Variants in PCDHGA7 observed in about 807,000 individuals in gnomAD.
The protein encoded by PCDHGA7 is protocadherin gamma-A7.
PCDHGA7 carries 44 observed loss-of-function variants against 58.3 expected under a neutral mutation model. That is an observed-to-expected ratio of 0.75 (90% CI 0.59 to 0.97). PCDHGA7 has a LOEUF of 0.97. PCDHGA7 is among the 50% of genes least tolerant of loss of function. The pLI, the probability that PCDHGA7 is intolerant of heterozygous loss-of-function variation, is 0.00. For synonymous variants in PCDHGA7, 516 were observed against 504.2 expected, an observed-to-expected ratio of 1.02 and a Z score of -0.31; for missense variants, 1,266 against 1,188.7, an observed-to-expected ratio of 1.06 and a Z score of -0.96.
chr5:141,391,109 T>C (rs1414344509), intron 1 of PCDHGA7: 1 of 152,098 alleles, frequency 6.6e-6, no homozygotes, highest in Non-Finnish European at 1.5e-5. Context: ...TAAACTAATA[T>C]AGCTAGAGGT....
chr5:141,404,610 T>C lies in PCDHGA7; in HGVS notation c.2424+19287T>C, dbSNP rs1207198913. ...AATGTGTCATTGAGACTGTTTGTTTTGGACCAGAATGACAATGCCCCAGAA... is the reference window on the plus strand; with the variant it reads ...AATGTGTCATTGAGACTGTTTGTTTCGGACCAGAATGACAATGCCCCAGAA... On this transcript the variant is annotated intron_variant, in intron 1 of 3. Transcript: ENST00000518325. 1 of 1,614,130 alleles carries C rather than the reference T, an allele frequency of 6.2e-7. No homozygotes were observed. Among genetic ancestry groups the C allele is most frequent in the African/African-American group, 1.3e-5 (1 of 75,054 alleles).
intron 1 of PCDHGA7, among the ~76,000 whole-genome samples, chr5:141,442,680 A>C (rs2098335997): frequency 6.6e-6 from 1 of 152,270 alleles, no homozygotes; most frequent in Non-Finnish European, 1.5e-5. Flanking sequence ...CTTGAGGGAC[A>C]GTAGTCAGGC....
In PCDHGA7 at chr5:141,467,461, A is replaced by G. The variant is rs1330947379; in HGVS notation, c.2425-27346A>G. ...ATTACTTTTTTCTTCCAGTGCTAGT[A>G]CTTGCATGGTTTTTGGTTTCCACAT... On this transcript the variant is annotated intron_variant, in intron 1 of 3. Coordinates refer to ENST00000518325, the MANE Select transcript of PCDHGA7 (RefSeq NM_018920.4). 2.6e-5 allele frequency among the ~76,000 whole-genome samples: 4 copies of G among 152,158 alleles called. No homozygotes were observed. The South Asian group carries it at 8.3e-4, about 31-fold the overall frequency.
At chr5:141,406,567 T>A (rs1270084196) in intron 1 of PCDHGA7, among the ~76,000 whole-genome samples, 2 of 152,224 alleles carry the variant, frequency 1.3e-5, no homozygotes, top group African/African-American at 4.8e-5. Context: ...TTCCAAACCC[T>A]AGTAAACCAA....
At chr5:141,417,821 A>C in intron 1 of PCDHGA7, 3 of 1,515,060 alleles carry the variant, frequency 2.0e-6, no homozygotes, top group Non-Finnish European at 1.8e-6. Context: ...ACTTTCTCCA[A>C]CTGGAAAAGC....
At chr5:141,413,873 G>A (rs544856148) in intron 1 of PCDHGA7, 4 of 1,613,372 alleles carry the variant, frequency 2.5e-6, no homozygotes, top group Admixed American at 1.7e-5. Context: ...GTCCTTGTCA[G>A]TGTGACTGTC....
intron 1 of PCDHGA7, among the ~76,000 whole-genome samples, chr5:141,462,650 TC>T (rs1254671361): frequency 7.3e-6 from 1 of 137,262 alleles, no homozygotes; most frequent in African/African-American, 3.0e-5. Context: ...ATTTCCATCC[TC>T]AATTATCTTC....
intron 1 of PCDHGA7, chr5:141,393,282 G>A (rs2150516370): frequency 1.2e-6 from 2 of 1,613,980 alleles, no homozygotes; most frequent in Non-Finnish European, 1.7e-6. Context: ...ACTCCCAGAA[G>A]CTGTTGACCC....
chr5:141,473,308 A>G (rs1248143328), intron 1 of PCDHGA7, among the ~76,000 whole-genome samples: 1 of 152,234 alleles, frequency 6.6e-6, no homozygotes, highest in Non-Finnish European at 1.5e-5. Context: ...AGATTGCTAT[A>G]TTAATAAGCA....
At position 141,383,491 on chromosome 5, in the gene PCDHGA7, C is replaced by A. The variant is rs116533786; in HGVS notation, c.592C>A (p.Arg198=). ...TAAGTACCCGGAACTGGTGCTGGAG[C>A]GGGTGCTGGACCGGGAGGAAGAGCG... The part of the protein sequence containing the change: ...ETKYPELVLE[R]VLDREEERVH... The change falls in exon 1 of 4, where the codon CGG becomes AGG. Residue 198 remains arginine (R), a synonymous_variant. Transcript: ENST00000518325. 4.5e-4 allele frequency: 731 copies of A among 1,613,114 alleles called. 6 individuals are homozygous for A. In the African/African-American group the frequency reaches 7.9e-3, roughly 17 times the overall value.
intron 2 of PCDHGA7, among the ~76,000 whole-genome samples, chr5:141,503,351 C>T (rs1186394919): frequency 6.6e-6 from 1 of 151,994 alleles, no homozygotes; most frequent in Admixed American, 6.6e-5. Context: ...AATTCCAGCA[C>T]TTTGGGAAGC....
chr5:141,430,826 CTG>C (rs2097313923), intron 1 of PCDHGA7: 1 of 1,550,416 alleles, frequency 6.4e-7, no homozygotes, highest in Non-Finnish European at 8.7e-7. Context: ...CCTGGGGACT[CTG>C]TGGGAGACCG....
chr5:141,428,388 C>A, intron 1 of PCDHGA7: 1 of 506,160 alleles, frequency 2.0e-6, no homozygotes, highest in African/African-American at 1.9e-5. Flanking sequence ...GCTCTTCCAG[C>A]CCCTCTGCCT....
intron 1 of PCDHGA7, among the ~76,000 whole-genome samples, chr5:141,482,161 G>A (rs2099554171): frequency 6.6e-6 from 1 of 152,008 alleles, no homozygotes; most frequent in Non-Finnish European, 1.5e-5. Context: ...TCAAAGATAT[G>A]TAAGATTAAG....
At chr5:141,409,869 A>G (rs2095329006) in intron 1 of PCDHGA7, 2 of 1,612,632 alleles carry the variant, frequency 1.2e-6, no homozygotes, top group African/African-American at 1.3e-5. Context: ...GGAGACCGCA[A>G]TGACAACGCA....
intron 1 of PCDHGA7, among the ~76,000 whole-genome samples, chr5:141,471,163 G>GC (rs202115056): frequency 0.11 from 16,237 of 150,562 alleles, 892 homozygotes; most frequent in South Asian, 0.15. Context: ...GATTCTCCTG[G>GC]CTCAGCCTCC....
intron 1 of PCDHGA7, among the ~76,000 whole-genome samples, chr5:141,481,668 A>G (rs1051166504): frequency 6.6e-6 from 1 of 152,090 alleles, no homozygotes; most frequent in Admixed American, 6.6e-5. Flanking sequence ...TAATACAAAA[A>G]TCAGGCCGGG....
chr5:141,415,747 T>TTTTG, intron 1 of PCDHGA7: 2 of 797,626 alleles, frequency 2.5e-6, no homozygotes, highest in Non-Finnish European at 3.1e-6. Flanking sequence ...AAGGTTTTTT[T>TTTTG]TTTTTTTTTT....
At chr5:141,466,556 T>C (rs1398776914) in intron 1 of PCDHGA7, among the ~76,000 whole-genome samples, 1 of 152,222 alleles carries the variant, frequency 6.6e-6, no homozygotes, top group Non-Finnish European at 1.5e-5. Context: ...TGCTGTGGGC[T>C]TCATCTTCAA....
Sources: allele counts gnomAD v4.1 joint callset (sites outside exome capture counted in the v4.1 genomes callset), GRCh38; gene constraint gnomAD v4.1.1; transcripts MANE v1.5; gene names NCBI Gene and HGNC (gene_info 2026-07-23, HGNC 2026-07-21).